LYPLAL1: variants seen among roughly 807,000 people sequenced by gnomAD.
LYPLAL1 encodes the protein lysophospholipase-like protein 1.
A neutral mutation model predicts 19.7 loss-of-function variants in LYPLAL1; 23 were observed. That is an observed-to-expected ratio of 1.17 (90% CI 0.84 to 1.65). LYPLAL1 has a LOEUF of 1.65. LYPLAL1 is among the 40% of genes most tolerant of loss of function. LYPLAL1 has a pLI of 0.00. For missense variants in LYPLAL1, 355 were observed against 279.4 expected, an observed-to-expected ratio of 1.27 and a Z score of -1.93; for synonymous variants, 119 against 96.3, an observed-to-expected ratio of 1.24 and a Z score of -1.38.
At chr1:219,354,213 T>A in the LYPLAL1 span, among the ~76,000 whole-genome samples, 1 of 152,178 alleles carries the variant, frequency 6.6e-6, no homozygotes, top group African/African-American at 2.4e-5. Flanking sequence ...TTTTTTTAAA[T>A]TGAGATGCAG....
the LYPLAL1 span, among the ~76,000 whole-genome samples, chr1:219,389,032 A>C: frequency 1.3e-5 from 2 of 152,168 alleles, no homozygotes; most frequent in African/African-American, 2.4e-5. Context: ...TTAAAATATT[A>C]TTTTCACTAT....
chr1:219,205,363 CA>C (rs66877413), intron 3 of LYPLAL1, among the ~76,000 whole-genome samples: 31 of 128,474 alleles, frequency 2.4e-4, no homozygotes, highest in African/African-American at 8.5e-4. Flanking sequence ...GACTCCGTCT[CA>C]AAAAAAAAAA....
the LYPLAL1 span, among the ~76,000 whole-genome samples, chr1:219,422,647 G>C: frequency 6.6e-6 from 1 of 152,046 alleles, no homozygotes; most frequent in Non-Finnish European, 1.5e-5. Flanking sequence ...ATTAATAATG[G>C]GAGAGCAAAA....
chr1:219,344,093 T>C, the LYPLAL1 span, among the ~76,000 whole-genome samples: 3 of 152,188 alleles, frequency 2.0e-5, no homozygotes, highest in African/African-American at 7.2e-5. Flanking sequence ...TGAGATCTGC[T>C]GCCCCCTCAA....
chr1:219,299,183 C>T, the LYPLAL1 span, among the ~76,000 whole-genome samples: 3 of 149,790 alleles, frequency 2.0e-5, no homozygotes, highest in Admixed American at 1.3e-4. Context: ...TTCCTTACCC[C>T]CAAAACTAAT....
chr1:219,251,606 C>T, the LYPLAL1 span, among the ~76,000 whole-genome samples: 2 of 152,024 alleles, frequency 1.3e-5, no homozygotes, highest in African/African-American at 2.4e-5. Context: ...AGCCTTATTT[C>T]GGGGCTCTCT....
chr1:219,427,214 G>A, the LYPLAL1 span, among the ~76,000 whole-genome samples: 3 of 152,042 alleles, frequency 2.0e-5, no homozygotes, highest in South Asian at 6.2e-4. Context: ...ATCAAATTTT[G>A]CATCCATTTA....
At chr1:219,373,636 C>G in the LYPLAL1 span, among the ~76,000 whole-genome samples, 1 of 152,110 alleles carries the variant, frequency 6.6e-6, no homozygotes, top group Non-Finnish European at 1.5e-5. Context: ...CAATTGGAAT[C>G]TAACTACATT....
the LYPLAL1 span, among the ~76,000 whole-genome samples, chr1:219,318,497 A>T: frequency 6.6e-6 from 1 of 152,260 alleles, no homozygotes; most frequent in African/African-American, 2.4e-5. Flanking sequence ...GTATAAAACA[A>T]GGATTACATG....
chr1:219,410,392 C>T, the LYPLAL1 span: 4 of 152,224 alleles, frequency 2.6e-5, no homozygotes, highest in Non-Finnish European at 5.9e-5. Context: ...TGATTCTGCA[C>T]GCAGCACCTG....
rs370051851 is a variant in LYPLAL1, at chr1:219,173,880, T to C, written c.-11T>C. On this transcript the variant is annotated 5_prime_UTR_variant, in exon 1 of 5. Transcript: ENST00000366928. ...AGGGGCGGAACCGCATGACTGGCAG[T>C]GGCATCAGCGATGGCGGCTGCGTCG... The C allele has an allele frequency of 5.0e-5, 81 of 1,611,492 alleles. No homozygotes were observed. In the African/African-American group the frequency reaches 1.0e-3, roughly 20 times the overall value.
chr1:219,357,174 A>T, the LYPLAL1 span, among the ~76,000 whole-genome samples: 5 of 152,236 alleles, frequency 3.3e-5, no homozygotes, highest in Non-Finnish European at 7.3e-5. Context: ...TAATAGCCAA[A>T]TGTGCCAATT....
chr1:219,263,182 G>T, the LYPLAL1 span, among the ~76,000 whole-genome samples: 1 of 152,158 alleles, frequency 6.6e-6, no homozygotes, highest in East Asian at 1.9e-4. Flanking sequence ...CCACTGTGGG[G>T]TATGGGGAGG....
the LYPLAL1 span, among the ~76,000 whole-genome samples, chr1:219,443,608 G>A: frequency 3.3e-5 from 5 of 151,618 alleles, no homozygotes; most frequent in South Asian, 2.1e-4. Context: ...AACACATAAC[G>A]AAAATAGCTT....
chr1:219,311,026 T>C, the LYPLAL1 span, among the ~76,000 whole-genome samples: 1 of 152,252 alleles, frequency 6.6e-6, no homozygotes, highest in Admixed American at 6.5e-5. Context: ...GTCTTTGGCT[T>C]ATCCATTCTA....
chr1:219,319,720 CTT>C, the LYPLAL1 span, among the ~76,000 whole-genome samples: 3 of 152,180 alleles, frequency 2.0e-5, no homozygotes, highest in Non-Finnish European at 4.4e-5. Context: ...CTGTTCAACT[CTT>C]TGTTTACTCA....
At chr1:219,264,414 A>G in the LYPLAL1 span, among the ~76,000 whole-genome samples, 132 of 152,140 alleles carry the variant, frequency 8.7e-4, no homozygotes, top group Non-Finnish European at 1.6e-3. Context: ...TTATTCCTTT[A>G]TATTTAATCT....
the LYPLAL1 span, among the ~76,000 whole-genome samples, chr1:219,281,566 A>C: frequency 5.3e-5 from 8 of 152,182 alleles, no homozygotes; most frequent in African/African-American, 1.4e-4. Flanking sequence ...CCTCCACTGC[A>C]TGCAGCCAAG....
At position 219,183,618 on chromosome 1, in the gene LYPLAL1, A is replaced by G. The variant is rs560262257; in HGVS notation, c.191+4372A>G. 7.0e-4 allele frequency among the ~76,000 whole-genome samples: 107 copies of G among 152,066 alleles called. 1 individual carries two copies. The South Asian group carries it at 0.021, about 30-fold the overall frequency. ...TCCCATCTCATGTATTATTGTTTGC[A>G]TATCTATTACTGTAGCATAGTTTGG... On this transcript the variant is annotated intron_variant, in intron 2 of 4. Transcript: ENST00000366928.
Sources: allele counts gnomAD v4.1 joint callset (sites outside exome capture counted in the v4.1 genomes callset), GRCh38; gene constraint gnomAD v4.1.1; transcripts MANE v1.5; gene names NCBI Gene and HGNC (gene_info 2026-07-23, HGNC 2026-07-21).